Variants in RAPGEF2 observed in about 807,000 individuals in gnomAD.
The protein encoded by RAPGEF2 is PDZ domain containing guanine nucleotide exchange factor (GEF) 1.
In RAPGEF2, 54 loss-of-function variants were observed where a neutral mutation model predicts 186.7. That is an observed-to-expected ratio of 0.29 (90% CI 0.23 to 0.36). The LOEUF (loss-of-function observed/expected upper bound fraction) is 0.36, where lower values mean the gene tolerates loss of function less well. Among genes scored for constraint, RAPGEF2 ranks in the 10% least tolerant of loss-of-function variants. The pLI is 1.00. For synonymous variants in RAPGEF2, 712 were observed against 705.9 expected (o/e 1.01, Z -0.14); for missense variants, 1,532 against 2,045.0 (o/e 0.75, Z 4.84).
At chr4:159,160,505 C>A (rs1339828063) in intron 1 of RAPGEF2, among the ~76,000 whole-genome samples, 1 of 152,244 alleles carries the variant, frequency 6.6e-6, no homozygotes, top group Non-Finnish European at 1.5e-5. Context: ...AGTGTTGGGA[C>A]TATGGCTAGA....
intron 8 of RAPGEF2, among the ~76,000 whole-genome samples, chr4:159,309,664 A>G (rs796845014): frequency 6.6e-6 from 1 of 152,326 alleles, no homozygotes; most frequent in South Asian, 2.1e-4. Flanking sequence ...TTTAATGCCT[A>G]AGTTAGTAAT....
At chr4:159,177,214 CTTTT>C (rs11362763) in intron 1 of RAPGEF2, among the ~76,000 whole-genome samples, 4 of 138,862 alleles carry the variant, frequency 2.9e-5, no homozygotes, top group Non-Finnish European at 3.1e-5. Context: ...ATTCATTCAA[CTTTT>C]TTTTTTTTTT....
intron 26 of RAPGEF2, chr4:159,351,263 A>C: frequency 7.2e-7 from 1 of 1,391,720 alleles, no homozygotes; most frequent in Non-Finnish European, 9.6e-7. Context: ...ATTCCTCCAA[A>C]TGTCAAGTGC....
At chr4:159,153,276 A>G (rs1202953524) in intron 1 of RAPGEF2, among the ~76,000 whole-genome samples, 1 of 152,138 alleles carries the variant, frequency 6.6e-6, no homozygotes, top group Non-Finnish European at 1.5e-5. Flanking sequence ...GGAACTTTAA[A>G]AAGAAATCTT....
At chr4:159,250,229 G>A (rs114138388) in intron 7 of RAPGEF2, among the ~76,000 whole-genome samples, 6,770 of 152,022 alleles carry the variant, frequency 0.045, 243 homozygotes, top group Non-Finnish European at 0.065. Flanking sequence ...TGTACTGCTC[G>A]GGAGATGGGT....
chr4:159,242,317 A>G (rs1032621141), intron 6 of RAPGEF2, among the ~76,000 whole-genome samples: 1 of 151,768 alleles, frequency 6.6e-6, no homozygotes, highest in African/African-American at 2.4e-5. Flanking sequence ...ATAATTAACA[A>G]CTATTTTACA....
Position 159,346,977 on chromosome 4 carries a change from G to A in RAPGEF2, c.3691G>A (p.Val1231Ile), listed in dbSNP as rs765057983. ...SLYPSRKKVP[V>I]KDLPPFGINS... ...TTATCCTTCACGGAAGAAAGTGCCC[G>A]TAAAGGATCTCCCACCTTTTGGTAA... Residue 1231 changes from valine (V) to isoleucine (I), a missense_variant, in exon 25 of 30, where the codon GTA (valine) becomes ATA (isoleucine). By Grantham distance (29) the Val-to-Ile change is conservative (BLOSUM62 3). Around this residue, in one of 4 missense-constraint regions of RAPGEF2, gnomAD observed 594 missense variants for 608.5 expected, o/e 0.98. Transcript: ENST00000691494. The A allele has an allele frequency of 8.1e-6, 13 of 1,613,636 alleles. No homozygotes were observed. Among genetic ancestry groups the A allele is most frequent in the Middle Eastern group, 1.6e-4 (1 of 6,084 alleles).
chr4:159,299,300 G>A (rs1282908256), intron 7 of RAPGEF2, among the ~76,000 whole-genome samples: 1 of 152,056 alleles, frequency 6.6e-6, no homozygotes, highest in Non-Finnish European at 1.5e-5. Context: ...TCCAAGATTA[G>A]TTTGGGAAAT....
At chr4:159,239,559 A>C (rs1219941587) in intron 5 of RAPGEF2, among the ~76,000 whole-genome samples, 1 of 152,234 alleles carries the variant, frequency 6.6e-6, no homozygotes, top group Admixed American at 6.5e-5. Flanking sequence ...CAGAGATTAT[A>C]CATAGAACAT....
chr4:159,104,194 A>T lies in RAPGEF2; in HGVS notation c.32A>T (p.Gln11Leu). Reference protein sequence around the residue: MASYVDNSFRQAVMKNPPERT... With the variant: MASYVDNSFRLAVMKNPPERT... ...TCCTACGTAGATAACAGCTTCCGCC[A>T]GGCGGTGATGAAGAATCCCCCCGAA... The change falls in exon 1 of 30, where the codon CAG (glutamine) becomes CTG (leucine). Residue 11 changes from glutamine to leucine, a missense_variant. Around this residue, in one of 4 missense-constraint regions of RAPGEF2, gnomAD observed 810 missense variants for 1,210.5 expected, o/e 0.67. Coordinates refer to ENST00000691494, the MANE Select transcript of RAPGEF2 (RefSeq NM_001394067.2). The T allele has an allele frequency of 6.6e-7, 1 of 1,509,424 alleles. No individual in the cohort carries two copies. The highest frequency in any genetic ancestry group is 1.2e-5 in the South Asian group (1 of 83,582). 93.5% of individuals were successfully genotyped at this position (1,509,424 alleles called of 1,614,324 possible).
At chr4:159,279,034 C>T (rs866028083) in intron 7 of RAPGEF2, among the ~76,000 whole-genome samples, 22 of 152,128 alleles carry the variant, frequency 1.4e-4, no homozygotes, top group African/African-American at 5.1e-4. Flanking sequence ...CGGTTCCATA[C>T]TCAGCAGCAA....
intron 1 of RAPGEF2, among the ~76,000 whole-genome samples, chr4:159,168,429 C>T (rs1272215794): frequency 2.0e-5 from 3 of 151,858 alleles, no homozygotes; most frequent in Non-Finnish European, 4.4e-5. Context: ...CCATCCTTGG[C>T]CTCCCCTTTT....
At chr4:159,306,675 T>A (rs1008612755) in intron 8 of RAPGEF2, among the ~76,000 whole-genome samples, 2 of 152,158 alleles carry the variant, frequency 1.3e-5, no homozygotes, top group Non-Finnish European at 2.9e-5. Context: ...CTATTTTGAA[T>A]AGGAGTGGGA....
intron 7 of RAPGEF2, among the ~76,000 whole-genome samples, chr4:159,298,236 A>C (rs1326262771): frequency 6.6e-6 from 1 of 152,160 alleles, no homozygotes; most frequent in Non-Finnish European, 1.5e-5. Flanking sequence ...GTTTCCTGAC[A>C]TTATATATAT....
chr4:159,331,983 A>G lies in RAPGEF2; in HGVS notation c.1837A>G (p.Ile613Val). 1 of 1,609,806 alleles carries G rather than the reference A, an allele frequency of 6.2e-7. No individual in the cohort carries two copies. Among genetic ancestry groups the G allele is most frequent in the South Asian group, 1.1e-5 (1 of 89,106 alleles). The change falls in exon 16 of 30, where the codon ATT becomes GTT. Residue 613 changes from isoleucine to valine, a missense_variant. Around this residue, in one of 4 missense-constraint regions of RAPGEF2, gnomAD observed 810 missense variants for 1,210.5 expected, o/e 0.67. Coordinates refer to ENST00000691494, the MANE Select transcript of RAPGEF2 (RefSeq NM_001394067.2). ...ENIQLSKAMEILRNNTHLSIT... is the reference protein window; with the variant it reads ...ENIQLSKAMEVLRNNTHLSIT... ...CATTCAGCTGTCAAAAGCTATGGAA[A>G]TTCTTAGAAATAACACACATTTATC...
At chr4:159,323,254 A>C (rs1474337313) in intron 10 of RAPGEF2, among the ~76,000 whole-genome samples, 3 of 152,166 alleles carry the variant, frequency 2.0e-5, no homozygotes, top group African/African-American at 7.2e-5. Context: ...TATGATATAC[A>C]TTCTGTGCTA....
At chr4:159,290,054 T>G (rs1412136500) in intron 7 of RAPGEF2, among the ~76,000 whole-genome samples, 4 of 152,088 alleles carry the variant, frequency 2.6e-5, no homozygotes, top group African/African-American at 9.6e-5. Context: ...CAGGATCAGG[T>G]GTGTATTTTC....
intron 4 of RAPGEF2, among the ~76,000 whole-genome samples, chr4:159,219,586 A>ACCTCATGATCTGCCTGC (rs1181055917): frequency 6.6e-6 from 1 of 151,956 alleles, no homozygotes; most frequent in African/African-American, 2.4e-5. Flanking sequence ...TGATCGCCTG[A>ACCTCATGATCTGCCTGC]CCTCATGATC....
intron 1 of RAPGEF2, among the ~76,000 whole-genome samples, chr4:159,176,315 C>T (rs771610519): frequency 1.3e-5 from 2 of 152,084 alleles, no homozygotes; most frequent in African/African-American, 2.4e-5. Flanking sequence ...AGGTAACAGG[C>T]ACCCTCCGCC....
Sources: gnomAD v4.1 joint callset for allele counts (sites outside exome capture counted in the v4.1 genomes callset) on GRCh38, gnomAD v4.1.1 for gene constraint, gnomAD v4.1.1 regional missense constraint, MANE v1.5 for transcripts, NCBI Gene and HGNC (gene_info 2026-07-23, HGNC 2026-07-21) for gene names.